LRBA: variants seen among roughly 807,000 people sequenced by gnomAD.
LRBA encodes the protein lipopolysaccharide-responsive and beige-like anchor protein.
LRBA carries 176 observed loss-of-function variants against 330.0 expected under a neutral mutation model. The ratio of observed to expected loss-of-function variants is 0.53; its 90% CI spans 0.47 to 0.60. The LOEUF (loss-of-function observed/expected upper bound fraction) is 0.60, where lower values mean the gene tolerates loss of function less well. Ranked by LOEUF, LRBA falls within the 20% of genes least tolerant of loss-of-function variation. LRBA has a pLI of 0.00. For synonymous variants in LRBA, 1,230 were observed against 1,193.0 expected (o/e 1.03, Z -0.64); for missense variants, 3,259 against 3,444.8 (o/e 0.95, Z 1.35).
chr4:150,594,169 A>G, intron 38 of LRBA, among the ~76,000 whole-genome samples: 1 of 152,064 alleles, frequency 6.6e-6, no homozygotes, highest in East Asian at 1.9e-4. Context: ...CAGCTTACTG[A>G]TATTTAGAAT....
At chr4:150,673,374 T>C (rs1054181951) in intron 37 of LRBA, among the ~76,000 whole-genome samples, 2 of 152,190 alleles carry the variant, frequency 1.3e-5, no homozygotes, top group Non-Finnish European at 2.9e-5. Context: ...TCCAGCTATT[T>C]CATATTTAAC....
chr4:150,448,217 T>C (rs1752847785), intron 44 of LRBA, among the ~76,000 whole-genome samples: 3 of 152,224 alleles, frequency 2.0e-5, no homozygotes, highest in Non-Finnish European at 4.4e-5. Context: ...CATAAGACCC[T>C]TCTTAAAGAG....
chr4:150,588,077 C>G lies in LRBA; in HGVS notation c.6301G>C (p.Asp2101His). Residue 2101 changes from aspartate (D) to histidine (H), a missense_variant, in exon 40 of 57, where the codon GAT (aspartate) becomes CAT (histidine). Asp to His is a moderately conservative substitution (Grantham distance 81, BLOSUM62 -1). Transcript: ENST00000651943. ...SELYFEVDEEDPNFKKIDPKI... is the reference protein window; with the variant it reads ...SELYFEVDEEHPNFKKIDPKI... ...GGGTCGATTTTTTTGAAGTTAGGAT[C>G]CTCTTCATCCACCTCAAAATAGAGT... is the stretch of plus-strand genomic sequence containing the variant. 1 of 1,609,988 alleles carries G rather than the reference C, an allele frequency of 6.2e-7. No homozygotes were observed. Among genetic ancestry groups the G allele is most frequent in the Non-Finnish European group, 8.5e-7 (1 of 1,178,030 alleles).
At chr4:150,715,661 T>C (rs1728092158) in intron 36 of LRBA, among the ~76,000 whole-genome samples, 1 of 152,226 alleles carries the variant, frequency 6.6e-6, no homozygotes, top group South Asian at 2.1e-4. Context: ...TGCCAAGTGT[T>C]AGTGAAAGAC....
intron 47 of LRBA, among the ~76,000 whole-genome samples, chr4:150,390,506 C>T (rs920350960): frequency 2.0e-5 from 3 of 152,126 alleles, no homozygotes; most frequent in Non-Finnish European, 4.4e-5. Context: ...GTTTTCTCAC[C>T]TGGTTTTTGC....
intron 44 of LRBA, among the ~76,000 whole-genome samples, chr4:150,466,224 C>T (rs1039889746): frequency 6.6e-6 from 1 of 152,116 alleles, no homozygotes; most frequent in African/African-American, 2.4e-5. Flanking sequence ...TGTGAAGATC[C>T]TATCCTGTGG....
intron 39 of LRBA, among the ~76,000 whole-genome samples, chr4:150,589,332 A>G (rs1400910867): frequency 6.6e-6 from 1 of 152,210 alleles, no homozygotes; most frequent in African/African-American, 2.4e-5. Context: ...AATGTGTGCC[A>G]GTAGGACAAT....
At chr4:150,920,936 C>T (rs1438480915) in intron 5 of LRBA, among the ~76,000 whole-genome samples, 1 of 152,194 alleles carries the variant, frequency 6.6e-6, no homozygotes, top group Non-Finnish European at 1.5e-5. Flanking sequence ...GACAACATGG[C>T]TATGTTTAAA....
Position 150,806,371 on chromosome 4 carries a change from C to T in LRBA, c.5418G>A (p.Lys1806=), listed in dbSNP as rs771762068. The T allele has an allele frequency of 2.6e-5, 42 of 1,609,752 alleles. No homozygotes were observed. In the East Asian group the frequency reaches 4.3e-4, roughly 16 times the overall value. Residue 1806 remains lysine, a synonymous_variant, in exon 33 of 57, where the codon AAG becomes AAA. Coordinates refer to ENST00000651943, the MANE Select transcript of LRBA (RefSeq NM_001364905.1). Reference sequence around the variant, plus strand: ...AAATCTCACGAAGGAGAGGAGCTGCCTTTTCCAAAGCGTGTTCAAGCCTCT... The same window carrying T: ...AAATCTCACGAAGGAGAGGAGCTGCTTTTTCCAAAGCGTGTTCAAGCCTCT... ...ITERLEHALE[K]AAPLLREIFV... is the part of the protein sequence containing the mutation.
intron 36 of LRBA, among the ~76,000 whole-genome samples, chr4:150,728,040 C>T (rs1013461681): frequency 7.2e-5 from 11 of 152,144 alleles, no homozygotes; most frequent in South Asian, 2.1e-4. Context: ...ACAACTGATA[C>T]GGTAGAAATT....
chr4:150,737,166 T>C (rs1214440790), intron 35 of LRBA, among the ~76,000 whole-genome samples: 2 of 152,134 alleles, frequency 1.3e-5, no homozygotes, highest in Non-Finnish European at 2.9e-5. Context: ...TATAGTGAGC[T>C]ATGATCACAC....
At chr4:150,981,147 C>T (rs1364413461) in intron 2 of LRBA, among the ~76,000 whole-genome samples, 2 of 151,644 alleles carry the variant, frequency 1.3e-5, no homozygotes, top group East Asian at 1.9e-4. Context: ...GGCGCAGTGG[C>T]TCACGCCTGT....
chr4:150,579,246 C>A, intron 40 of LRBA: 1 of 456,608 alleles, frequency 2.2e-6, no homozygotes, highest in South Asian at 1.5e-5. Flanking sequence ...GACAGGGGCT[C>A]TTCAATTACA....
intron 37 of LRBA, among the ~76,000 whole-genome samples, chr4:150,651,891 T>A (rs4476581): frequency 0.79 from 120,740 of 152,038 alleles, 51,884 homozygotes; most frequent in Non-Finnish European, 0.95. Flanking sequence ...AGAGACAGGG[T>A]TTGCTCTGTT....
chr4:150,997,967 G>T (rs912722897), intron 2 of LRBA, among the ~76,000 whole-genome samples: 1 of 152,080 alleles, frequency 6.6e-6, no homozygotes, highest in Non-Finnish European at 1.5e-5. Context: ...GCTTCCCAAA[G>T]TGCTAGGATT....
chr4:150,494,890 C>A (rs1292617326), intron 40 of LRBA, among the ~76,000 whole-genome samples: 1 of 151,648 alleles, frequency 6.6e-6, no homozygotes, highest in African/African-American at 2.4e-5. Context: ...GTCCCAGCTA[C>A]TTGGGAGTCT....
chr4:150,348,573 A>G (rs1385409426), intron 48 of LRBA, among the ~76,000 whole-genome samples: 1 of 152,204 alleles, frequency 6.6e-6, no homozygotes, highest in Non-Finnish European at 1.5e-5. Context: ...GGTATATTAA[A>G]TACAACCAAT....
chr4:150,733,964 T>G (rs1039766152), intron 36 of LRBA, among the ~76,000 whole-genome samples: 1 of 152,166 alleles, frequency 6.6e-6, no homozygotes, highest in Non-Finnish European at 1.5e-5. Context: ...CTTCTTTCTT[T>G]CTTTACTAGC....
intron 43 of LRBA, among the ~76,000 whole-genome samples, chr4:150,469,031 GA>G (rs1338873621): frequency 1.3e-5 from 2 of 150,740 alleles, no homozygotes; most frequent in Admixed American, 6.6e-5. Flanking sequence ...CATAGCAGCA[GA>G]AAAAAAAATT....
Sources: gnomAD v4.1 joint callset for allele counts (sites outside exome capture counted in the v4.1 genomes callset) on GRCh38, gnomAD v4.1.1 for gene constraint, MANE v1.5 for transcripts, NCBI Gene and HGNC (gene_info 2026-07-23, HGNC 2026-07-21) for gene names.